CSTPP1: variants seen among roughly 807,000 people sequenced by gnomAD.
CSTPP1 encodes centriolar satellite-associated tubulin polyglutamylase complex regulator 1.
At chr11:47,003,061 G>A in the CSTPP1 span, among the ~76,000 whole-genome samples, 2 of 152,176 alleles carry the variant, frequency 1.3e-5, no homozygotes, top group African/African-American at 2.4e-5. Flanking sequence ...TATAATCCCA[G>A]CACTTTGGGA....
the CSTPP1 span, among the ~76,000 whole-genome samples, chr11:47,110,185 A>G: frequency 1.4e-4 from 22 of 152,186 alleles, no homozygotes; most frequent in Non-Finnish European, 2.4e-4. Context: ...CACTGCCTCC[A>G]CACATACACA....
chr11:47,006,517 A>T, the CSTPP1 span, among the ~76,000 whole-genome samples: 1 of 151,050 alleles, frequency 6.6e-6, no homozygotes, highest in Non-Finnish European at 1.5e-5. Context: ...GATATCATTT[A>T]TCAGTCCTGG....
chr11:47,029,946 A>G, the CSTPP1 span, among the ~76,000 whole-genome samples: 2 of 151,426 alleles, frequency 1.3e-5, no homozygotes, highest in Non-Finnish European at 2.9e-5. Context: ...GGAAAAAAAA[A>G]AAAAAAGAAA....
the CSTPP1 span, among the ~76,000 whole-genome samples, chr11:46,938,368 T>TTATATATCTA: frequency 6.7e-6 from 1 of 148,650 alleles, no homozygotes; most frequent in Non-Finnish European, 1.5e-5. Flanking sequence ...AGATATATTA[T>TTATATATCTA]TATAGATACA....
the CSTPP1 span, among the ~76,000 whole-genome samples, chr11:47,081,790 G>T: frequency 2.6e-5 from 4 of 151,680 alleles, no homozygotes; most frequent in Admixed American, 2.6e-4. Context: ...ATTCTAGATG[G>T]ATCAAAAATT....
At chr11:46,945,427 C>T in the CSTPP1 span, among the ~76,000 whole-genome samples, 2 of 151,978 alleles carry the variant, frequency 1.3e-5, no homozygotes, top group Admixed American at 6.6e-5. Context: ...CCAGCTTGGC[C>T]AACATGGTGA....
the CSTPP1 span, among the ~76,000 whole-genome samples, chr11:46,946,000 G>A: frequency 2.0e-5 from 3 of 152,308 alleles, no homozygotes; most frequent in East Asian, 5.8e-4. Context: ...GTTGTTCCTG[G>A]AAGGTCGATC....
chr11:47,029,041 C>T, the CSTPP1 span, among the ~76,000 whole-genome samples: 1 of 151,362 alleles, frequency 6.6e-6, no homozygotes, highest in African/African-American at 2.4e-5. Context: ...GACGGGATTT[C>T]ACTATGTTGC....
chr11:46,968,402 A>G, the CSTPP1 span, among the ~76,000 whole-genome samples: 1 of 146,998 alleles, frequency 6.8e-6, no homozygotes, highest in Admixed American at 6.9e-5. Context: ...TTTAAATAAT[A>G]TATTTAATAT....
chr11:47,112,228 T>C, the CSTPP1 span, among the ~76,000 whole-genome samples: 1 of 152,222 alleles, frequency 6.6e-6, no homozygotes. Flanking sequence ...ATATTCCCTA[T>C]CTCTGACTTG....
chr11:47,109,326 T>C, the CSTPP1 span: 3 of 151,996 alleles, frequency 2.0e-5, no homozygotes, highest in Non-Finnish European at 2.9e-5. Flanking sequence ...GCTAGGAAAA[T>C]GAGGGACAGA....
the CSTPP1 span, among the ~76,000 whole-genome samples, chr11:47,034,874 A>G: frequency 6.6e-6 from 1 of 152,156 alleles, no homozygotes; most frequent in Non-Finnish European, 1.5e-5. Flanking sequence ...TTCCCCTGAT[A>G]TCCTGATATT....
At chr11:46,951,381 C>T in the CSTPP1 span, among the ~76,000 whole-genome samples, 3 of 150,392 alleles carry the variant, frequency 2.0e-5, no homozygotes, top group South Asian at 2.1e-4. Flanking sequence ...AGTGTAGCCT[C>T]GACCTCCTGA....
the CSTPP1 span, chr11:47,052,309 C>T: frequency 6.6e-7 from 1 of 1,517,036 alleles, no homozygotes; most frequent in Non-Finnish European, 8.8e-7. Context: ...CAGTGGTTCT[C>T]TCTGGTCTCA....
chr11:47,048,757 C>T, the CSTPP1 span, among the ~76,000 whole-genome samples: 1 of 152,020 alleles, frequency 6.6e-6, no homozygotes, highest in Non-Finnish European at 1.5e-5. Context: ...TGATAGTGTT[C>T]ATGGTTGCAC....
the CSTPP1 span, among the ~76,000 whole-genome samples, chr11:46,942,526 C>G: frequency 6.6e-6 from 1 of 152,184 alleles, no homozygotes; most frequent in Non-Finnish European, 1.5e-5. Context: ...TTCCATGGAA[C>G]CTGCTTATTC....
chr11:46,999,622 A>C, the CSTPP1 span, among the ~76,000 whole-genome samples: 1 of 152,218 alleles, frequency 6.6e-6, no homozygotes, highest in Non-Finnish European at 1.5e-5. Flanking sequence ...GTTTACTGCC[A>C]TTTAAATGTT....
chr11:47,016,839 CTTTTTTT>C, the CSTPP1 span, among the ~76,000 whole-genome samples: 1 of 99,824 alleles, frequency 1.0e-5, no homozygotes, highest in East Asian at 2.6e-4. Context: ...TCATTTAGTA[CTTTTTTT>C]TTTTTTTTTT....
the CSTPP1 span, among the ~76,000 whole-genome samples, chr11:47,068,002 G>C: frequency 1.2e-4 from 18 of 152,042 alleles, no homozygotes; most frequent in African/African-American, 4.3e-4. Context: ...GTTTAAGGTA[G>C]AAATAATGGT....
Sources: gnomAD v4.1 joint callset for allele counts (sites outside exome capture counted in the v4.1 genomes callset) on GRCh38, gnomAD v4.1.1 for gene constraint, MANE v1.5 for transcripts, NCBI Gene and HGNC (gene_info 2026-07-23, HGNC 2026-07-21) for gene names.